The following NEK10 variants were observed in gnomAD, a reference collection of about 807,000 sequenced individuals.
The protein encoded by NEK10 is serine/threonine-protein kinase Nek10.
A neutral mutation model predicts 159.8 loss-of-function variants in NEK10; 122 were observed. The observed-to-expected ratio is 0.76, with a 90% CI of 0.66 to 0.89. NEK10 has a LOEUF of 0.89. Among genes scored for constraint, NEK10 ranks in the 40% least tolerant of loss-of-function variants. The pLI, the probability that NEK10 is intolerant of heterozygous loss-of-function variation, is 0.00. For missense variants in NEK10, 1,342 were observed against 1,323.1 expected (o/e 1.01, Z -0.22); for synonymous variants, 466 against 457.1 (o/e 1.02, Z -0.25).
chr3:27,238,163 G>C (rs968206008), intron 23 of NEK10, among the ~76,000 whole-genome samples: 4 of 152,172 alleles, frequency 2.6e-5, no homozygotes, highest in African/African-American at 9.7e-5. Flanking sequence ...TTAGGGAAAA[G>C]CTGGAAATAA....
At chr3:27,349,229 G>A (rs1243067544) in intron 3 of NEK10, among the ~76,000 whole-genome samples, 1 of 151,948 alleles carries the variant, frequency 6.6e-6, no homozygotes, top group South Asian at 2.1e-4. Flanking sequence ...TTTATTTATC[G>A]AATAGAAATG....
chr3:27,334,605 C>T (rs1378370225), intron 5 of NEK10, among the ~76,000 whole-genome samples: 3 of 152,186 alleles, frequency 2.0e-5, no homozygotes, highest in Non-Finnish European at 2.9e-5. Context: ...GCCTAAGCCA[C>T]TGGGGAAATC....
chr3:27,303,321 T>C (rs1483727253), intron 12 of NEK10, among the ~76,000 whole-genome samples: 2 of 152,182 alleles, frequency 1.3e-5, no homozygotes, highest in Non-Finnish European at 2.9e-5. Context: ...GGTTTTGTCT[T>C]TGAAATTCTG....
chr3:27,240,654 C>CTTT lies in NEK10; in HGVS notation c.2090+15639_2090+15641dup, dbSNP rs5847451. Among the ~76,000 whole-genome samples the CTTT allele has an allele frequency of 7.4e-4, 104 of 141,452 alleles. 1 individual carries two copies. The highest frequency in any genetic ancestry group is 3.4e-3 in the South Asian group (15 of 4,438). 92.8% of individuals were successfully genotyped at this position (141,452 alleles called of 152,430 possible). ...TGATTTACTTTTATTACTATCTCAT[C>CTTT]TTTTTTTTTTTTTTTGAGACAGAGT... On this transcript the variant is annotated intron_variant, in intron 23 of 35. Coordinates refer to ENST00000691995, the MANE Select transcript of NEK10 (RefSeq NM_001394966.1).
At chr3:27,295,741 CA>C in intron 14 of NEK10, 51 bp from the exon 15 acceptor site, 1 of 1,487,870 alleles carries the variant, frequency 6.7e-7, no homozygotes, top group East Asian at 2.5e-5. Context: ...TAGTGATACA[CA>C]AGCAAAAAGA....
intron 22 of NEK10, among the ~76,000 whole-genome samples, chr3:27,256,943 T>A (rs1956262376): frequency 7.4e-6 from 1 of 134,898 alleles, no homozygotes; most frequent in African/African-American, 2.9e-5. Context: ...TGAGACAGAA[T>A]CTCACTCTGT....
chr3:27,350,901 G>A (rs1044761161), intron 3 of NEK10, among the ~76,000 whole-genome samples: 14 of 152,088 alleles, frequency 9.2e-5, no homozygotes, highest in Non-Finnish European at 1.2e-4. Flanking sequence ...ACATCCTCAT[G>A]TGGTGACCCA....
intron 23 of NEK10, chr3:27,215,704 A>G (rs1396056849): frequency 5.9e-6 from 4 of 680,824 alleles, no homozygotes; most frequent in African/African-American, 1.8e-5. Flanking sequence ...TAGGTAATTT[A>G]GAAAGAAGAG....
intron 32 of NEK10, among the ~76,000 whole-genome samples, chr3:27,130,692 T>C (rs887591011): frequency 4.6e-5 from 7 of 152,192 alleles, no homozygotes; most frequent in African/African-American, 9.6e-5. Flanking sequence ...TATATGACCT[T>C]AATAAGAATA....
intron 30 of NEK10, among the ~76,000 whole-genome samples, chr3:27,153,407 A>G (rs1163884141): frequency 6.6e-6 from 1 of 152,188 alleles, no homozygotes; most frequent in African/African-American, 2.4e-5. Flanking sequence ...CAAGACAGAA[A>G]GTCAACAGAG....
intron 31 of NEK10, among the ~76,000 whole-genome samples, chr3:27,139,693 T>A (rs755378310): frequency 1.3e-5 from 2 of 152,198 alleles, no homozygotes; most frequent in African/African-American, 4.8e-5. Flanking sequence ...GTAAAACTTG[T>A]ACTTAACCAT....
intron 25 of NEK10, among the ~76,000 whole-genome samples, chr3:27,196,071 C>T (rs1949532269): frequency 6.6e-6 from 1 of 152,140 alleles, no homozygotes; most frequent in African/African-American, 2.4e-5. Context: ...ATGGAATCCA[C>T]AGGCAAATAG....
rs75882503 is a variant in NEK10 at position 27,108,270 on chromosome 3, A to G, written c.*3002T>C. On this transcript the variant is annotated 3_prime_UTR_variant, in exon 36 of 36. Transcript: ENST00000691995. ...GCCATACAAGTGTCCACAATAAACAAGCAGCATTTCTCTAGGTTTCTGAAA... is the reference window on the plus strand; with the variant it reads ...GCCATACAAGTGTCCACAATAAACAGGCAGCATTTCTCTAGGTTTCTGAAA... 0.036 allele frequency among the ~76,000 whole-genome samples: 5,464 copies of G among 152,304 alleles called. 165 individuals are homozygous for G. The highest frequency in any genetic ancestry group is 0.065 in the Middle Eastern group (19 of 294).
At chr3:27,231,220 T>C (rs1279815330) in intron 23 of NEK10, among the ~76,000 whole-genome samples, 1 of 151,800 alleles carries the variant, frequency 6.6e-6, no homozygotes, top group Non-Finnish European at 1.5e-5. Flanking sequence ...ACCCTCCAAA[T>C]CAAACAAATA....
chr3:27,124,789 G>A (rs1941751299), intron 32 of NEK10, among the ~76,000 whole-genome samples: 1 of 152,176 alleles, frequency 6.6e-6, no homozygotes, highest in African/African-American at 2.4e-5. Flanking sequence ...ATGCCAGATG[G>A]CAAAGTAAAT....
At chr3:27,345,035 A>G (rs2047456077) in intron 4 of NEK10, among the ~76,000 whole-genome samples, 1 of 152,224 alleles carries the variant, frequency 6.6e-6, no homozygotes, top group African/African-American at 2.4e-5. Flanking sequence ...TTAAAACTAG[A>G]AAAGGATAAG....
intron 26 of NEK10, among the ~76,000 whole-genome samples, chr3:27,176,267 A>C (rs1947495939): frequency 6.6e-6 from 1 of 152,206 alleles, no homozygotes; most frequent in Admixed American, 6.5e-5. Context: ...TGTTGAAGTT[A>C]ATTTGCAGGT....
intron 23 of NEK10, among the ~76,000 whole-genome samples, chr3:27,203,763 T>C (rs1038782686): frequency 4.6e-5 from 7 of 151,794 alleles, no homozygotes; most frequent in African/African-American, 1.7e-4. Flanking sequence ...GACTTAAAAA[T>C]AATCAACAAA....
intron 16 of NEK10, among the ~76,000 whole-genome samples, chr3:27,292,079 A>G (rs2043036485): frequency 1.3e-5 from 2 of 152,170 alleles, no homozygotes; most frequent in South Asian, 4.1e-4. Context: ...ACAGTTTTTG[A>G]GAGGTAAGAA....
Sources: allele counts gnomAD v4.1 joint callset (sites outside exome capture counted in the v4.1 genomes callset), GRCh38; gene constraint gnomAD v4.1.1; transcripts MANE v1.5; gene names NCBI Gene and HGNC (gene_info 2026-07-23, HGNC 2026-07-21).